HCN1: variants seen among roughly 807,000 people sequenced by gnomAD.
The protein encoded by HCN1 is potassium/sodium hyperpolarization-activated cyclic nucleotide-gated channel 1.
HCN1 carries 13 observed loss-of-function variants against 78.9 expected under a neutral mutation model. The ratio of observed to expected loss-of-function variants is 0.16; its 90% CI spans 0.11 to 0.26. The LOEUF (loss-of-function observed/expected upper bound fraction) is 0.26. Among genes scored for constraint, HCN1 ranks in the 10% least tolerant of loss-of-function variants. The probability of loss-of-function intolerance (pLI) is 1.00; values close to 1 mark genes in which losing one functional copy is unlikely to be tolerated. For missense variants in HCN1, 810 were observed against 1,154.3 expected, an observed-to-expected ratio of 0.70 and a Z score of 4.32; for synonymous variants, 552 against 455.5, an observed-to-expected ratio of 1.21 and a Z score of -2.70.
chr5:45,692,584 G>A (rs1249631345), intron 1 of HCN1, among the ~76,000 whole-genome samples: 1 of 152,124 alleles, frequency 6.6e-6, no homozygotes, highest in Admixed American at 6.5e-5. Context: ...TTTACTCTCT[G>A]AAGGTTTCTA....
intron 3 of HCN1, among the ~76,000 whole-genome samples, chr5:45,419,078 G>A (rs1211453324): frequency 6.6e-6 from 1 of 152,094 alleles, no homozygotes; most frequent in African/African-American, 2.4e-5. Context: ...ACACTTTCAG[G>A]AACTTGGGAT....
chr5:45,630,606 T>G (rs1745254575), intron 2 of HCN1, among the ~76,000 whole-genome samples: 1 of 152,190 alleles, frequency 6.6e-6, no homozygotes, highest in African/African-American at 2.4e-5. Flanking sequence ...TCAAACCTCA[T>G]CTCTGTATAC....
chr5:45,335,466 T>C (rs1475406258), intron 5 of HCN1, among the ~76,000 whole-genome samples: 1 of 152,076 alleles, frequency 6.6e-6, no homozygotes, highest in Non-Finnish European at 1.5e-5. Context: ...AACTGGCTGA[T>C]AAAATGAAGG....
At chr5:45,376,053 T>G (rs1178341068) in intron 4 of HCN1, among the ~76,000 whole-genome samples, 2 of 112,306 alleles carry the variant, frequency 1.8e-5, no homozygotes, top group East Asian at 5.2e-4. Flanking sequence ...TAATATATAT[T>G]ATATACAATA....
At chr5:45,366,845 C>T (rs941448350) in intron 4 of HCN1, among the ~76,000 whole-genome samples, 3 of 151,716 alleles carry the variant, frequency 2.0e-5, no homozygotes, top group Non-Finnish European at 3.0e-5. Flanking sequence ...ATTTTCTTTA[C>T]ATTCATAATA....
At chr5:45,468,437 A>G (rs1306334819) in intron 2 of HCN1, among the ~76,000 whole-genome samples, 1 of 152,026 alleles carries the variant, frequency 6.6e-6, no homozygotes, top group South Asian at 2.1e-4. Flanking sequence ...AAAGAAAGCA[A>G]TTTTAGACAT....
intron 1 of HCN1, among the ~76,000 whole-genome samples, chr5:45,689,648 A>G (rs1270842473): frequency 6.6e-6 from 1 of 152,066 alleles, no homozygotes; most frequent in Non-Finnish European, 1.5e-5. Context: ...AATTTACCCA[A>G]GTGGCTGGAA....
At chr5:45,647,849 T>C (rs1244891596) in intron 1 of HCN1, among the ~76,000 whole-genome samples, 2 of 152,130 alleles carry the variant, frequency 1.3e-5, no homozygotes, top group African/African-American at 2.4e-5. Flanking sequence ...CAAACCCATA[T>C]CCAATTGATC....
chr5:45,638,816 C>A (rs1202045432), intron 2 of HCN1, among the ~76,000 whole-genome samples: 6 of 152,052 alleles, frequency 3.9e-5, no homozygotes, highest in Admixed American at 3.9e-4. Context: ...ACAGGAGAAT[C>A]ACTTGAACTC....
At chr5:45,622,005 G>A (rs1015394915) in intron 2 of HCN1, among the ~76,000 whole-genome samples, 2 of 152,106 alleles carry the variant, frequency 1.3e-5, no homozygotes, top group Admixed American at 6.5e-5. Flanking sequence ...CAGATCACGA[G>A]GTCAGGAGAT....
At chr5:45,671,025 A>G (rs1281915270) in intron 1 of HCN1, among the ~76,000 whole-genome samples, 1 of 151,756 alleles carries the variant, frequency 6.6e-6, no homozygotes, top group Non-Finnish European at 1.5e-5. Context: ...TAACACCAAG[A>G]GCTTTAATTC....
chr5:45,448,643 T>A (rs994660200), intron 3 of HCN1, among the ~76,000 whole-genome samples: 3 of 152,222 alleles, frequency 2.0e-5, no homozygotes, highest in African/African-American at 7.2e-5. Flanking sequence ...TCTGCCATTG[T>A]TCTGTTAATA....
intron 3 of HCN1, among the ~76,000 whole-genome samples, chr5:45,445,297 T>G (rs1740766533): frequency 1.3e-5 from 2 of 152,062 alleles, no homozygotes; most frequent in African/African-American, 2.4e-5. Flanking sequence ...CACAGCAGTA[T>G]GAGATCAAAC....
At chr5:45,372,080 A>ATG (rs1747392699) in intron 4 of HCN1, among the ~76,000 whole-genome samples, 1 of 58,476 alleles carries the variant, frequency 1.7e-5, no homozygotes, top group Non-Finnish European at 2.7e-5. Context: ...TATTATATAT[A>ATG]ATATAATTAT....
At chr5:45,264,496 T>C (rs1401269719) in intron 7 of HCN1, among the ~76,000 whole-genome samples, 2 of 152,230 alleles carry the variant, frequency 1.3e-5, no homozygotes, top group African/African-American at 4.8e-5. Flanking sequence ...TTTTTGAAGA[T>C]AAATATGTAT....
At chr5:45,481,416 A>C (rs1273005520) in intron 2 of HCN1, among the ~76,000 whole-genome samples, 2 of 152,194 alleles carry the variant, frequency 1.3e-5, no homozygotes, top group Non-Finnish European at 2.9e-5. Context: ...GGGCGATGGA[A>C]ACTAAGAAGG....
intron 3 of HCN1, among the ~76,000 whole-genome samples, chr5:45,442,533 G>T (rs182613291): frequency 4.6e-4 from 70 of 150,856 alleles, no homozygotes; most frequent in African/African-American, 1.6e-3. Context: ...TATAAAACGT[G>T]CATATGCATA....
At chr5:45,675,827 C>A (rs1746255225) in intron 1 of HCN1, among the ~76,000 whole-genome samples, 1 of 151,784 alleles carries the variant, frequency 6.6e-6, no homozygotes, top group Admixed American at 6.6e-5. Context: ...TGTGAATATA[C>A]TTCAATCTAA....
chr5:45,276,614 C>A (rs1188392095), intron 6 of HCN1, among the ~76,000 whole-genome samples: 1 of 152,000 alleles, frequency 6.6e-6, no homozygotes, highest in Non-Finnish European at 1.5e-5. Context: ...GTACCTTAGG[C>A]AATTGTGGAG....
Sources: allele counts gnomAD v4.1 joint callset (sites outside exome capture counted in the v4.1 genomes callset), GRCh38; gene constraint gnomAD v4.1.1; transcripts MANE v1.5; gene names NCBI Gene and HGNC (gene_info 2026-07-23, HGNC 2026-07-21).